AVEN: variants seen among roughly 807,000 people sequenced by gnomAD.
AVEN encodes cell death regulator Aven.
Under a neutral mutation model 38.1 loss-of-function variants are expected in AVEN, and 41 were observed. The observed-to-expected ratio is 1.08, with a 90% CI of 0.84 to 1.40. The LOEUF (loss-of-function observed/expected upper bound fraction) is 1.40, where lower values mean the gene tolerates loss of function less well. AVEN is among the 40% of genes most tolerant of loss of function. AVEN has a pLI of 0.00. For synonymous variants in AVEN, 206 were observed against 171.8 expected (o/e 1.20, Z -1.56); for missense variants, 605 against 438.8 (o/e 1.38, Z -3.38).
chr15:33,871,532 C>T (rs895621621), intron 3 of AVEN, among the ~76,000 whole-genome samples: 1 of 151,250 alleles, frequency 6.6e-6, no homozygotes, highest in Admixed American at 6.6e-5. Flanking sequence ...CGCAACACTG[C>T]AAAACAGCCT....
chr15:33,971,635 C>T (rs1895641999), intron 2 of AVEN, among the ~76,000 whole-genome samples: 1 of 151,936 alleles, frequency 6.6e-6, no homozygotes, highest in Admixed American at 6.6e-5. Context: ...CTTAAAGGGA[C>T]ATTGCATAAT....
intron 2 of AVEN, among the ~76,000 whole-genome samples, chr15:33,955,932 AAATTT>A (rs1195033662): frequency 7.2e-5 from 11 of 152,236 alleles, no homozygotes; most frequent in Non-Finnish European, 1.3e-4. Context: ...TCCAAAAATT[AAATTT>A]AAGACAACTG....
At chr15:33,859,780 T>G (rs2080132655) in intron 11 of AVEN, 1 of 1,536,580 alleles carries the variant, frequency 6.5e-7, no homozygotes, top group Non-Finnish European at 8.8e-7. Flanking sequence ...ATCTAGTTCT[T>G]TTTGCTTTCT....
chr15:34,049,631 T>C (rs1010588437), intron 5 of AVEN, among the ~76,000 whole-genome samples: 4 of 151,962 alleles, frequency 2.6e-5, no homozygotes, highest in African/African-American at 9.7e-5. Context: ...GTCAGGAGAA[T>C]TTCCCCAACC....
intron 1 of AVEN, among the ~76,000 whole-genome samples, chr15:34,004,979 AT>A (rs66645361): frequency 0.15 from 22,872 of 151,944 alleles, 2,126 homozygotes; most frequent in Middle Eastern, 0.28. Context: ...CTTAAAAAAA[AT>A]AATGAGCTTT....
intron 11 of AVEN, chr15:33,860,964 A>G (rs1333191481): frequency 1.2e-6 from 1 of 862,464 alleles, no homozygotes; most frequent in African/African-American, 1.7e-5. Context: ...ACTAATAGCC[A>G]AAAGCATTAG....
chr15:34,009,355 C>T (rs1897534766), intron 1 of AVEN, among the ~76,000 whole-genome samples: 1 of 152,124 alleles, frequency 6.6e-6, no homozygotes, highest in Admixed American at 6.5e-5. Context: ...AATTATGTAA[C>T]TATAAAATAT....
chr15:34,007,283 AAAATGAAAAAATG>A (rs1209499086), intron 1 of AVEN, among the ~76,000 whole-genome samples: 1 of 152,238 alleles, frequency 6.6e-6, no homozygotes, highest in Non-Finnish European at 1.5e-5. Context: ...CTGCAGAATG[AAAATGAAAAAATG>A]AAATAAAAAA....
chr15:33,966,599 C>T (rs1251282126), intron 2 of AVEN, among the ~76,000 whole-genome samples: 1 of 152,092 alleles, frequency 6.6e-6, no homozygotes. Flanking sequence ...CATCTACACC[C>T]CTTTAATGGC....
At chr15:34,047,406 C>G (rs899824618) in intron 5 of AVEN, among the ~76,000 whole-genome samples, 6 of 152,130 alleles carry the variant, frequency 3.9e-5, no homozygotes, top group African/African-American at 1.4e-4. Context: ...TACTCCAACG[C>G]TGGGATCCCT....
chr15:34,031,100 G>A (rs1898771235), intron 1 of AVEN, among the ~76,000 whole-genome samples: 1 of 100,156 alleles, frequency 1.0e-5, no homozygotes, highest in Admixed American at 1.2e-4. Flanking sequence ...CTGATAATAA[G>A]CCAAAAGAAT....
At chr15:33,944,768 T>A (rs1438291855) in intron 2 of AVEN, among the ~76,000 whole-genome samples, 1 of 150,784 alleles carries the variant, frequency 6.6e-6, no homozygotes, top group East Asian at 2.0e-4. Flanking sequence ...GAGATCGCGC[T>A]CCTGCACTCC....
At chr15:33,858,904 G>A (rs950772606) in exon 12 of AVEN, 5 of 152,382 alleles carry the variant, frequency 3.3e-5, no homozygotes, top group African/African-American at 1.2e-4. Flanking sequence ...TGCTTTCTCG[G>A]GCCAAGCACC....
rs765303713 is a variant in AVEN at position 33,866,566 on chromosome 15, C to T, written c.*47G>A. 2.9e-5 allele frequency: 42 copies of T among 1,453,652 alleles called. No homozygotes were observed. The highest frequency in any genetic ancestry group is 3.8e-5 in the Non-Finnish European group (39 of 1,037,336). 90.0% of individuals were successfully genotyped at this position (1,453,652 alleles called of 1,614,324 possible). On this transcript the variant is annotated 3_prime_UTR_variant, in exon 6 of 6. Coordinates refer to ENST00000306730, the MANE Select transcript of AVEN (RefSeq NM_020371.3). ...GAAGGACAGCCTTATGCCCACCTGC[C>T]GTTAGAAGGCAACCAAGATTTGCTT...
chr15:34,008,133 T>C (rs746365406), intron 1 of AVEN, among the ~76,000 whole-genome samples: 3 of 151,976 alleles, frequency 2.0e-5, no homozygotes, highest in Admixed American at 6.6e-5. Flanking sequence ...TCGAAAATAA[T>C]GGGTGGGCCT....
intron 2 of AVEN, among the ~76,000 whole-genome samples, chr15:33,983,158 G>GTATA (rs775545239): frequency 0.14 from 18,610 of 136,208 alleles, 1,680 homozygotes; most frequent in South Asian, 0.26. Context: ...GTGTGTGTGT[G>GTATA]TATGTGTGTG....
At chr15:33,853,723 T>G in the AVEN span, 2 of 1,589,620 alleles carry the variant, frequency 1.3e-6, no homozygotes, top group Non-Finnish European at 1.7e-6. Flanking sequence ...GCAGCTAAAA[T>G]AGATAGATCT....
At chr15:33,951,547 A>T (rs1295810012) in intron 2 of AVEN, among the ~76,000 whole-genome samples, 7 of 150,890 alleles carry the variant, frequency 4.6e-5, no homozygotes, top group Non-Finnish European at 8.8e-5. Flanking sequence ...TGTACCCTAG[A>T]ACTTAAAGTA....
At chr15:33,973,825 T>A (rs1254930812) in intron 2 of AVEN, among the ~76,000 whole-genome samples, 1 of 152,228 alleles carries the variant, frequency 6.6e-6, no homozygotes, top group Non-Finnish European at 1.5e-5. Context: ...CAGGACTAGT[T>A]AATCAGCAGA....
Sources: allele counts gnomAD v4.1 joint callset (sites outside exome capture counted in the v4.1 genomes callset), GRCh38; gene constraint gnomAD v4.1.1; transcripts MANE v1.5; gene names NCBI Gene and HGNC (gene_info 2026-07-23, HGNC 2026-07-21).